PDE4D: variants seen among roughly 807,000 people sequenced by gnomAD.
PDE4D encodes 3',5'-cyclic-AMP phosphodiesterase 4D.
PDE4D carries 24 observed loss-of-function variants against 87.4 expected under a neutral mutation model. That is an observed-to-expected ratio of 0.27 (90% CI 0.20 to 0.39). The LOEUF (loss-of-function observed/expected upper bound fraction) is 0.39, where lower values mean the gene tolerates loss of function less well. PDE4D is among the 10% of genes least tolerant of loss of function. The pLI, the probability that PDE4D is intolerant of heterozygous loss-of-function variation, is 1.00. For missense variants in PDE4D, 714 were observed against 1,041.0 expected, an observed-to-expected ratio of 0.69 and a Z score of 4.32; for synonymous variants, 384 against 383.2, an observed-to-expected ratio of 1.00 and a Z score of -0.02.
At chr5:59,639,768 G>A (rs1033113833) in intron 1 of PDE4D, among the ~76,000 whole-genome samples, 3 of 151,474 alleles carry the variant, frequency 2.0e-5, no homozygotes, top group African/African-American at 7.3e-5. Context: ...GGTTTTACAG[G>A]AGTTCATAAT....
chr5:59,882,878 A>G (rs1229969153), intron 1 of PDE4D, among the ~76,000 whole-genome samples: 1 of 151,948 alleles, frequency 6.6e-6, no homozygotes, highest in Admixed American at 6.6e-5. Flanking sequence ...CCCAGGGTCA[A>G]GCAATTCTCG....
In PDE4D at chr5:59,078,691, T is replaced by G. The variant is rs200765537; in HGVS notation, c.809-39720A>C. On this transcript the variant is annotated intron_variant, in intron 5 of 14. Transcript: ENST00000340635. ...GCCCAGCTATTTTGTTGTATTTTTT[T>G]GTATTGATAGGGTTTCTTCATGTTG... 6.6e-5 allele frequency among the ~76,000 whole-genome samples: 10 copies of G among 152,090 alleles called. No individual in the cohort carries two copies. In the East Asian group the frequency reaches 9.7e-4, roughly 15 times the overall value.
At chr5:60,301,282 G>A (rs1410298085) in intron 1 of PDE4D, among the ~76,000 whole-genome samples, 1 of 152,160 alleles carries the variant, frequency 6.6e-6, no homozygotes, top group Non-Finnish European at 1.5e-5. Flanking sequence ...GGAATAGCAT[G>A]AATATATAAA....
At chr5:60,086,331 T>A (rs953570825) in intron 2 of PDE4D, among the ~76,000 whole-genome samples, 2 of 152,232 alleles carry the variant, frequency 1.3e-5, no homozygotes, top group Non-Finnish European at 2.9e-5. Context: ...TTAACTTATT[T>A]GTTACTCAAT....
chr5:59,923,508 CAG>C (rs34832272), intron 3 of PDE4D, among the ~76,000 whole-genome samples: 1 of 151,768 alleles, frequency 6.6e-6, no homozygotes, highest in African/African-American at 2.4e-5. Context: ...TAGCTCAAGA[CAG>C]AGAGAGAGAC....
At chr5:59,592,239 G>A (rs1826019057) in intron 1 of PDE4D, 5 of 667,184 alleles carry the variant, frequency 7.5e-6, no homozygotes, top group Middle Eastern at 7.6e-4. Flanking sequence ...TAACGATGTT[G>A]ATAGTCATGA....
In PDE4D at chr5:59,181,573, A is replaced by ATATATATATATATAT. The variant is rs1162609708; in HGVS notation, c.759-930_759-929insATATATATATATATA. On this transcript the variant is annotated intron_variant, in intron 4 of 14. Transcript: ENST00000340635. ...ATATATATATATATATATATATATT[A>ATATATATATATATAT]GGTATATAATAATTATATATATATT... Among the ~76,000 whole-genome samples, 73 of 85,160 alleles carry ATATATATATATATAT rather than the reference A, an allele frequency of 8.6e-4. 2 individuals carry two copies. Among genetic ancestry groups the ATATATATATATATAT allele is most frequent in the African/African-American group, 4.1e-3 (66 of 16,168 alleles). 55.9% of individuals were successfully genotyped at this position (85,160 alleles called of 152,430 possible). A position where few individuals can be genotyped will look rare whatever the true frequency, so the allele number is the denominator to read the frequency against.
intron 1 of PDE4D, among the ~76,000 whole-genome samples, chr5:59,443,434 A>T (rs1797924076): frequency 6.6e-6 from 1 of 152,216 alleles, no homozygotes; most frequent in South Asian, 2.1e-4. Flanking sequence ...TTATTTCCAT[A>T]AAAGAAATGG....
chr5:59,663,774 G>A (rs1353384419), intron 1 of PDE4D, among the ~76,000 whole-genome samples: 1 of 152,074 alleles, frequency 6.6e-6, no homozygotes, highest in Non-Finnish European at 1.5e-5. Context: ...ATATTCCTGA[G>A]TAACTGCTGT....
intron 2 of PDE4D, among the ~76,000 whole-genome samples, chr5:59,210,094 T>C (rs1749753336): frequency 1.3e-5 from 2 of 152,210 alleles, no homozygotes; most frequent in African/African-American, 4.8e-5. Context: ...GTAGCTTTCT[T>C]TCTGTGGTTA....
chr5:59,547,447 T>G (rs984544492), intron 1 of PDE4D, among the ~76,000 whole-genome samples: 11 of 152,100 alleles, frequency 7.2e-5, no homozygotes, highest in Admixed American at 2.6e-4. Context: ...AATGTCATAA[T>G]AATATAGAAT....
chr5:59,789,134 G>T (rs565787240), intron 1 of PDE4D, among the ~76,000 whole-genome samples: 1 of 152,146 alleles, frequency 6.6e-6, no homozygotes, highest in African/African-American at 2.4e-5. Context: ...TGAGAGAAGC[G>T]TCTCCCAAAC....
intron 1 of PDE4D, among the ~76,000 whole-genome samples, chr5:60,195,789 C>T (rs1741144501): frequency 6.6e-6 from 1 of 151,778 alleles, no homozygotes; most frequent in Non-Finnish European, 1.5e-5. Flanking sequence ...GATTCATACA[C>T]CTAATGGCTT....
intron 1 of PDE4D, among the ~76,000 whole-genome samples, chr5:59,784,668 T>C (rs1490129850): frequency 6.6e-6 from 1 of 152,174 alleles, no homozygotes; most frequent in Non-Finnish European, 1.5e-5. Flanking sequence ...AAAATACAAA[T>C]TATAGTTTTC....
At chr5:60,273,418 A>G (rs1751022459) in intron 1 of PDE4D, among the ~76,000 whole-genome samples, 1 of 152,162 alleles carries the variant, frequency 6.6e-6, no homozygotes. Flanking sequence ...AGCACCAGAT[A>G]ATTAATAATT....
intron 1 of PDE4D, among the ~76,000 whole-genome samples, chr5:59,891,022 G>A (rs1012729254): frequency 6.6e-6 from 1 of 152,170 alleles, no homozygotes; most frequent in Admixed American, 6.5e-5. Flanking sequence ...TGAGCATGTG[G>A]GGAATATGCA....
chr5:59,302,923 T>G (rs1345101406), intron 1 of PDE4D, among the ~76,000 whole-genome samples: 1 of 152,242 alleles, frequency 6.6e-6, no homozygotes, highest in African/African-American at 2.4e-5. Context: ...CTGGATCAAG[T>G]GGTAGTTCTA....
At chr5:59,076,961 A>C (rs991610274) in intron 5 of PDE4D, among the ~76,000 whole-genome samples, 1 of 152,156 alleles carries the variant, frequency 6.6e-6, no homozygotes, top group Admixed American at 6.5e-5. Flanking sequence ...ATTGATATCT[A>C]AAAATATATG....
Position 60,432,093 on chromosome 5 carries a change from A to AGGAGTG in PDE4D, c.-90+55848_-90+55849insCACTCC, listed in dbSNP as rs1554035291. ...GAGGGAGACGGAGACCGTGGGGAGA[A>AGGAGTG]GGAGAGGGAGAGGGAGAGGGAGAGG... is the stretch of plus-strand genomic sequence containing the variant. On this transcript the variant is annotated intron_variant, in intron 1 of 16. Coordinates refer to the PDE4D transcript ENST00000502484. Among the ~76,000 whole-genome samples the AGGAGTG allele has an allele frequency of 2.7e-5, 4 of 150,232 alleles. No individual in the cohort carries two copies. The East Asian group carries it at 7.9e-4, about 30-fold the overall frequency.
Sources: gnomAD v4.1 joint callset for allele counts (sites outside exome capture counted in the v4.1 genomes callset) on GRCh38, gnomAD v4.1.1 for gene constraint, MANE v1.5 for transcripts, NCBI Gene and HGNC (gene_info 2026-07-23, HGNC 2026-07-21) for gene names.